Variants in STARD13 observed in about 807,000 individuals in gnomAD.
STARD13 encodes the protein stAR-related lipid transfer protein 13.
Under a neutral mutation model 106.4 loss-of-function variants are expected in STARD13, and 62 were observed. The observed-to-expected ratio is 0.58, with a 90% confidence interval of 0.48 to 0.72. The LOEUF (loss-of-function observed/expected upper bound fraction) is 0.72. Among genes scored for constraint, STARD13 ranks in the 30% least tolerant of loss-of-function variants. The pLI, the probability that STARD13 is intolerant of heterozygous loss-of-function variation, is 0.00. For missense variants in STARD13, 1,387 were observed against 1,424.0 expected (o/e 0.97, Z 0.42); for synonymous variants, 565 against 553.0 (o/e 1.02, Z -0.31).
chr13:33,254,494 T>C (rs1890241553), intron 1 of STARD13, among the ~76,000 whole-genome samples: 1 of 152,204 alleles, frequency 6.6e-6, no homozygotes, highest in Non-Finnish European at 1.5e-5. Flanking sequence ...CAGGGAAATA[T>C]TGGATACCAG....
At chr13:33,429,949 G>A in the STARD13 span, among the ~76,000 whole-genome samples, 147 of 148,282 alleles carry the variant, frequency 9.9e-4, no homozygotes, top group African/African-American at 3.5e-3. Flanking sequence ...ACGGAGTCTC[G>A]CTCTGTTGCC....
At chr13:33,137,901 G>A (rs1459582202) in intron 4 of STARD13, among the ~76,000 whole-genome samples, 2 of 152,242 alleles carry the variant, frequency 1.3e-5, no homozygotes, top group African/African-American at 2.4e-5. Flanking sequence ...TGGGAGATGC[G>A]GGGGTGTGCA....
At chr13:33,152,805 G>T (rs1340394331) in intron 3 of STARD13, among the ~76,000 whole-genome samples, 1 of 152,186 alleles carries the variant, frequency 6.6e-6, no homozygotes, top group African/African-American at 2.4e-5. Flanking sequence ...TGAAATAAAA[G>T]CCTAGTCTGG....
At chr13:33,454,596 C>T in the STARD13 span, among the ~76,000 whole-genome samples, 27 of 152,294 alleles carry the variant, frequency 1.8e-4, no homozygotes, top group African/African-American at 2.4e-4. Flanking sequence ...CTCTTTCTTA[C>T]GACCTGAGGC....
At chr13:33,423,122 G>A in the STARD13 span, among the ~76,000 whole-genome samples, 69 of 152,216 alleles carry the variant, frequency 4.5e-4, no homozygotes, top group African/African-American at 1.4e-3. Flanking sequence ...AAGAGCTTCT[G>A]CAACAGAAGA....
At chr13:33,310,503 C>T (rs568693819) in intron 1 of STARD13, among the ~76,000 whole-genome samples, 39 of 152,070 alleles carry the variant, frequency 2.6e-4, no homozygotes, top group African/African-American at 8.4e-4. Context: ...AACTCTCTTG[C>T]GATATAAAAC....
intron 1 of STARD13, among the ~76,000 whole-genome samples, chr13:33,324,488 A>C (rs1048924478): frequency 6.6e-6 from 1 of 152,240 alleles, no homozygotes; most frequent in Non-Finnish European, 1.5e-5. Flanking sequence ...TATCAAACAC[A>C]AAACCAACAG....
the STARD13 span, among the ~76,000 whole-genome samples, chr13:33,484,751 G>T: frequency 1.6e-4 from 25 of 152,266 alleles, no homozygotes; most frequent in African/African-American, 5.1e-4. Context: ...CCCTATCTGG[G>T]CAGTGAGCAA....
chr13:33,297,250 T>C (rs1163867935), intron 1 of STARD13, among the ~76,000 whole-genome samples: 2 of 152,258 alleles, frequency 1.3e-5, no homozygotes, highest in Non-Finnish European at 2.9e-5. Context: ...ATAACACAGA[T>C]AGCCAGCCAT....
intron 1 of STARD13, among the ~76,000 whole-genome samples, chr13:33,235,219 C>A (rs1889129033): frequency 6.6e-6 from 1 of 152,192 alleles, no homozygotes; most frequent in Non-Finnish European, 1.5e-5. Context: ...CTGTCAGACA[C>A]TGAGCAAACT....
Position 33,282,655 on chromosome 13 carries a change from C to T in STARD13, c.169+2815G>A, listed in dbSNP as rs528281887. Among the ~76,000 whole-genome samples, 4 of 152,300 alleles carry T rather than the reference C, an allele frequency of 2.6e-5. No individual in the cohort carries two copies. The South Asian group carries it at 8.3e-4, about 32-fold the overall frequency. On this transcript the variant is annotated intron_variant, in intron 1 of 13. Coordinates refer to ENST00000336934, the MANE Select transcript of STARD13 (RefSeq NM_178006.4). ...AACAATTTTAGTGATGTGGCTGTCA[C>T]TTTAAGATACTAACCTGTAAACTAC...
upstream of STARD13, chr13:33,285,782 C>CA: frequency 1.4e-6 from 2 of 1,457,192 alleles, no homozygotes; most frequent in South Asian, 1.5e-5. Context: ...GCCAAAGCCA[C>CA]AACTCAGAAT....
chr13:33,520,898 A>G, the STARD13 span, among the ~76,000 whole-genome samples: 1 of 152,048 alleles, frequency 6.6e-6, no homozygotes, highest in South Asian at 2.1e-4. Context: ...TCAAATCTCT[A>G]TCCCCCACAC....
the STARD13 span, among the ~76,000 whole-genome samples, chr13:33,370,036 G>A: frequency 6.6e-6 from 1 of 152,138 alleles, no homozygotes; most frequent in Non-Finnish European, 1.5e-5. Flanking sequence ...TTCCAGTTGA[G>A]CTCTGCTATT....
At chr13:33,545,789 A>C in the STARD13 span, among the ~76,000 whole-genome samples, 10 of 152,176 alleles carry the variant, frequency 6.6e-5, no homozygotes, top group Non-Finnish European at 1.5e-4. Flanking sequence ...ATCTCTGCAC[A>C]TGCTGGTTCT....
At chr13:33,416,940 A>C in the STARD13 span, among the ~76,000 whole-genome samples, 1 of 152,228 alleles carries the variant, frequency 6.6e-6, no homozygotes, top group Non-Finnish European at 1.5e-5. Flanking sequence ...ATGTTTGCAA[A>C]TCATAGTATA....
chr13:33,343,546 C>G (rs903111449), intron 1 of STARD13, among the ~76,000 whole-genome samples: 7 of 122,270 alleles, frequency 5.7e-5, no homozygotes, highest in African/African-American at 1.8e-4. Context: ...TCACCGTACT[C>G]CAGACTGGGC....
intron 1 of STARD13, among the ~76,000 whole-genome samples, chr13:33,321,915 AC>A (rs1288650313): frequency 4.2e-4 from 64 of 152,310 alleles, no homozygotes; most frequent in African/African-American, 1.4e-3. Flanking sequence ...AAATTTTGTT[AC>A]TTTTTCAGTG....
At chr13:33,591,462 T>C in the STARD13 span, among the ~76,000 whole-genome samples, 1 of 152,246 alleles carries the variant, frequency 6.6e-6, no homozygotes, top group Non-Finnish European at 1.5e-5. Context: ...TTCAGCATTG[T>C]ACTCCCCAGA....
Sources: allele counts gnomAD v4.1 joint callset (sites outside exome capture counted in the v4.1 genomes callset), GRCh38; gene constraint gnomAD v4.1.1; transcripts MANE v1.5; gene names NCBI Gene and HGNC (gene_info 2026-07-23, HGNC 2026-07-21).